The following SPOCK1 variants were observed in gnomAD, a reference collection of about 807,000 sequenced individuals.
SPOCK1 encodes testican-1.
A neutral mutation model predicts 55.3 loss-of-function variants in SPOCK1; 23 were observed. The ratio of observed to expected loss-of-function variants is 0.42; its 90% CI spans 0.30 to 0.59. The LOEUF (loss-of-function observed/expected upper bound fraction) is 0.59. Among genes scored for constraint, SPOCK1 ranks in the 20% least tolerant of loss-of-function variants. The pLI, the probability that SPOCK1 is intolerant of heterozygous loss-of-function variation, is 0.22. For missense variants in SPOCK1, 499 were observed against 552.5 expected, an observed-to-expected ratio of 0.90 and a Z score of 0.97; for synonymous variants, 226 against 221.0, an observed-to-expected ratio of 1.02 and a Z score of -0.20.
At position 136,978,202 on chromosome 5, in the gene SPOCK1, T is replaced by G. The variant is rs1287138003; in HGVS notation, c.*452A>C. On this transcript the variant is annotated 3_prime_UTR_variant, in exon 11 of 11. Coordinates refer to ENST00000394945, the MANE Select transcript of SPOCK1 (RefSeq NM_004598.4). ...GTACAGTGTGGTGTATTTTTTGTTT[T>G]TTTCTTTTTCACAACATCTACAGGA... 2 of 342,776 alleles carry G rather than the reference T, an allele frequency of 5.8e-6. No individual in the cohort carries two copies. The highest frequency in any genetic ancestry group is 1.0e-5 in the Non-Finnish European group (2 of 191,706). 21.2% of individuals were successfully genotyped at this position (342,776 alleles called of 1,614,324 possible). A position where few individuals can be genotyped will look rare whatever the true frequency, so the allele number is the denominator to read the frequency against.
At chr5:136,988,326 TG>T in intron 8 of SPOCK1, 95 bp downstream of exon 8, 1 of 889,908 alleles carries the variant, frequency 1.1e-6, no homozygotes, top group East Asian at 2.5e-5. Context: ...ATTCTCTGGC[TG>T]TGGCTCTCTG....
chr5:137,178,423 G>A lies in SPOCK1; in HGVS notation c.233-37729C>T, dbSNP rs145064376. The stretch of plus-strand genomic sequence containing the variant: ...GAAAGCCTCACATTTTTGATGTCTG[G>A]TAGGCACCGGGCATGCGATTGCAAT... On this transcript the variant is annotated intron_variant, in intron 3 of 10. Transcript: ENST00000394945. 2.9e-4 allele frequency among the ~76,000 whole-genome samples: 44 copies of A among 152,322 alleles called. No individual in the cohort carries two copies. In the East Asian group the frequency reaches 7.5e-3, roughly 26 times the overall value.
rs141266254 is a variant in SPOCK1 at position 137,463,453 on chromosome 5, T to C, written c.186+34920A>G. ...CACATGTTCTCACTTATTTGTGGGA[T>C]CTAAAAATCAAAACCATTGAACTAA... On this transcript the variant is annotated intron_variant, in intron 2 of 10. Coordinates refer to ENST00000394945, the MANE Select transcript of SPOCK1 (RefSeq NM_004598.4). Among the ~76,000 whole-genome samples, 197 of 142,918 alleles carry C rather than the reference T, an allele frequency of 1.4e-3. 2 individuals are homozygous for C. The highest frequency in any genetic ancestry group is 6.5e-3 in the East Asian group (30 of 4,626). 93.8% of individuals were successfully genotyped at this position (142,918 alleles called of 152,430 possible).
chr5:137,135,155 T>A (rs148616365), intron 4 of SPOCK1, among the ~76,000 whole-genome samples: 134 of 152,282 alleles, frequency 8.8e-4, no homozygotes, highest in Admixed American at 2.0e-3. Flanking sequence ...CTGACATCCC[T>A]CCCTCCCATT....
chr5:137,355,394 ACC>A (rs1200649533), intron 2 of SPOCK1, among the ~76,000 whole-genome samples: 1 of 151,888 alleles, frequency 6.6e-6, no homozygotes, highest in Non-Finnish European at 1.5e-5. Context: ...TCACTATGTT[ACC>A]CAAGCTGGTC....
chr5:137,135,107 G>T (rs774369828), intron 4 of SPOCK1, among the ~76,000 whole-genome samples: 3 of 152,210 alleles, frequency 2.0e-5, no homozygotes, highest in Non-Finnish European at 4.4e-5. Context: ...GCTCCCCAGA[G>T]GCTTCGAAGG....
intron 6 of SPOCK1, among the ~76,000 whole-genome samples, chr5:137,044,608 T>A (rs1194112092): frequency 2.6e-5 from 4 of 152,172 alleles, no homozygotes; most frequent in African/African-American, 9.7e-5. Flanking sequence ...TACAGAGTGT[T>A]TAGCAACAGT....
At chr5:137,377,280 A>T (rs1751339306) in intron 2 of SPOCK1, among the ~76,000 whole-genome samples, 1 of 152,208 alleles carries the variant, frequency 6.6e-6, no homozygotes, top group Non-Finnish European at 1.5e-5. Flanking sequence ...CCCCTGGGAG[A>T]ATCTGATGCC....
intron 2 of SPOCK1, among the ~76,000 whole-genome samples, chr5:137,282,475 C>T (rs962481374): frequency 2.0e-5 from 3 of 152,236 alleles, no homozygotes; most frequent in Admixed American, 6.5e-5. Context: ...TGTCTGCAGG[C>T]GTCCTGCCTA....
chr5:137,018,184 C>T (rs2126978496), intron 6 of SPOCK1, among the ~76,000 whole-genome samples: 1 of 152,234 alleles, frequency 6.6e-6, no homozygotes, highest in Admixed American at 6.5e-5. Flanking sequence ...CAGATCAGCC[C>T]CCAGCACAGA....
At chr5:136,996,913 T>A (rs1451526124) in intron 6 of SPOCK1, among the ~76,000 whole-genome samples, 1 of 152,090 alleles carries the variant, frequency 6.6e-6, no homozygotes, top group Non-Finnish European at 1.5e-5. Flanking sequence ...ACTTCGTTCT[T>A]TTGCTCTTAA....
At chr5:137,279,021 G>C (rs1394689618) in intron 2 of SPOCK1, among the ~76,000 whole-genome samples, 1 of 152,152 alleles carries the variant, frequency 6.6e-6, no homozygotes, top group Admixed American at 6.5e-5. Flanking sequence ...CACAGAGACA[G>C]AGTGAGGCTA....
At chr5:137,412,284 C>T (rs1420249475) in intron 2 of SPOCK1, among the ~76,000 whole-genome samples, 2 of 152,182 alleles carry the variant, frequency 1.3e-5, no homozygotes, top group Non-Finnish European at 2.9e-5. Flanking sequence ...CTGTTGGCAC[C>T]CAATTTCTGC....
At chr5:137,112,092 G>C (rs1753486702) in intron 5 of SPOCK1, among the ~76,000 whole-genome samples, 1 of 151,952 alleles carries the variant, frequency 6.6e-6, no homozygotes, top group African/African-American at 2.4e-5. Context: ...CCCCTTACTG[G>C]TTTGCTCCCC....
intron 2 of SPOCK1, among the ~76,000 whole-genome samples, chr5:137,290,659 G>A (rs2127130599): frequency 6.6e-6 from 1 of 152,322 alleles, no homozygotes; most frequent in South Asian, 2.1e-4. Context: ...CTATTCTGAT[G>A]TCTTGATATG....
intron 6 of SPOCK1, among the ~76,000 whole-genome samples, chr5:137,029,532 CT>C (rs1351299383): frequency 1.4e-4 from 22 of 152,192 alleles, no homozygotes; most frequent in African/African-American, 4.8e-4. Context: ...GCACCCAAGA[CT>C]TTTTAGTGGA....
chr5:137,302,510 G>A (rs1183522647), intron 2 of SPOCK1, among the ~76,000 whole-genome samples: 1 of 151,884 alleles, frequency 6.6e-6, no homozygotes, highest in Non-Finnish European at 1.5e-5. Flanking sequence ...CTGGGAGGCA[G>A]AGCTTGCAGT....
chr5:137,183,000 T>C (rs1754997495), intron 3 of SPOCK1, among the ~76,000 whole-genome samples: 1 of 152,146 alleles, frequency 6.6e-6, no homozygotes, highest in Admixed American at 6.5e-5. Flanking sequence ...CCTGCACTGG[T>C]GTTCTCTATC....
chr5:137,411,029 C>A (rs1030889958), intron 2 of SPOCK1, among the ~76,000 whole-genome samples: 2 of 152,182 alleles, frequency 1.3e-5, no homozygotes, highest in Admixed American at 1.3e-4. Context: ...TTCTCAGGAC[C>A]AGTGGCATCA....
Sources: gnomAD v4.1 joint callset for allele counts (sites outside exome capture counted in the v4.1 genomes callset) on GRCh38, gnomAD v4.1.1 for gene constraint, MANE v1.5 for transcripts, NCBI Gene and HGNC (gene_info 2026-07-23, HGNC 2026-07-21) for gene names.